The following CADM2 variants were observed in gnomAD, a reference collection of about 807,000 sequenced individuals.
The protein encoded by CADM2 is cell adhesion molecule 2, also known as immunoglobulin superfamily member 4D.
A neutral mutation model predicts 49.8 loss-of-function variants in CADM2; 12 were observed. That is an observed-to-expected ratio of 0.24 (90% CI 0.15 to 0.39). CADM2 has a LOEUF of 0.39. Among genes scored for constraint, CADM2 ranks in the 10% least tolerant of loss-of-function variants. CADM2 has a pLI of 1.00. For missense variants in CADM2, 378 were observed against 492.3 expected (o/e 0.77, Z 2.20); for synonymous variants, 214 against 175.4 (o/e 1.22, Z -1.74).
intron 1 of CADM2, among the ~76,000 whole-genome samples, chr3:85,101,592 T>G (rs1412179567): frequency 1.3e-5 from 2 of 152,230 alleles, no homozygotes; most frequent in African/African-American, 4.8e-5. Context: ...GATAATAATG[T>G]AGGTAATTCA....
chr3:85,624,930 G>A (rs1195124024), intron 1 of CADM2, among the ~76,000 whole-genome samples: 1 of 151,966 alleles, frequency 6.6e-6, no homozygotes, highest in East Asian at 1.9e-4. Context: ...TAGATTGAAG[G>A]CAAGATGATT....
rs1739463212 is a variant in CADM2 at position 86,067,463 on chromosome 3, G to C, written c.*680G>C. On this transcript the variant is annotated 3_prime_UTR_variant, in exon 10 of 10. Transcript: ENST00000383699. ...TGACATGGTATTTTCTATAATTATA[G>C]AGATCTTACTATTAGGATATTGTAG... 6.6e-6 allele frequency: 1 copy of C among 152,454 alleles called. No homozygotes were observed. The highest frequency in any genetic ancestry group is 1.5e-5 in the Non-Finnish European group (1 of 67,960). 9.4% of individuals were successfully genotyped at this position (152,454 alleles called of 1,614,324 possible).
chr3:85,582,662 C>G lies in CADM2; in HGVS notation c.62-143860C>G, dbSNP rs183103057. On this transcript the variant is annotated intron_variant, in intron 1 of 9. Coordinates refer to ENST00000383699, the MANE Select transcript of CADM2 (RefSeq NM_001167675.2). Reference sequence around the variant, plus strand: ...CATGAGGACCCCATCTTCATAATCTCAGCTACACAGAATTAACTCCCAAAG... The same window carrying G: ...CATGAGGACCCCATCTTCATAATCTGAGCTACACAGAATTAACTCCCAAAG... Among the ~76,000 whole-genome samples, 47 of 152,252 alleles carry G rather than the reference C, an allele frequency of 3.1e-4. 1 individual carries two copies. In the South Asian group the frequency reaches 9.5e-3, roughly 31 times the overall value.
intron 1 of CADM2, among the ~76,000 whole-genome samples, chr3:85,402,443 AT>A (rs1256868591): frequency 1.7e-4 from 26 of 151,948 alleles, no homozygotes; most frequent in Non-Finnish European, 2.8e-4. Flanking sequence ...TCCTGTATAA[AT>A]TTTTGTCTTA....
intron 1 of CADM2, among the ~76,000 whole-genome samples, chr3:85,692,380 C>A (rs6787622): frequency 0.71 from 107,826 of 151,996 alleles, 38,516 homozygotes; most frequent in African/African-American, 0.77. Context: ...AGAATATTTG[C>A]GTCGCAAGTT....
intron 1 of CADM2, among the ~76,000 whole-genome samples, chr3:85,487,581 T>A (rs1223618317): frequency 4.7e-3 from 338 of 72,622 alleles, no homozygotes; most frequent in South Asian, 6.0e-3. Context: ...GAGGAGGAAG[T>A]GGAGGAGGAG....
At chr3:85,827,389 C>T (rs2073967469) in intron 3 of CADM2, among the ~76,000 whole-genome samples, 1 of 151,764 alleles carries the variant, frequency 6.6e-6, no homozygotes, top group Admixed American at 6.6e-5. Context: ...TTTTCAGGTG[C>T]TTGTAGTAAT....
At chr3:85,878,915 A>T (rs964240046) in intron 3 of CADM2, among the ~76,000 whole-genome samples, 4 of 152,018 alleles carry the variant, frequency 2.6e-5, no homozygotes, top group African/African-American at 9.7e-5. Context: ...GAGGTGGGTA[A>T]CGTATTCTAT....
chr3:85,736,201 G>A (rs1330004782), intron 2 of CADM2, among the ~76,000 whole-genome samples: 1 of 152,042 alleles, frequency 6.6e-6, no homozygotes, highest in Non-Finnish European at 1.5e-5. Flanking sequence ...GTTCAACTGG[G>A]GCAAATGCTC....
intron 1 of CADM2, among the ~76,000 whole-genome samples, chr3:85,111,986 T>TA (rs2038476196): frequency 6.6e-6 from 1 of 151,892 alleles, no homozygotes. Flanking sequence ...AGCACCTATC[T>TA]AAAAAATAAG....
chr3:85,362,018 C>T (rs2032395673), intron 1 of CADM2, among the ~76,000 whole-genome samples: 2 of 152,130 alleles, frequency 1.3e-5, no homozygotes, highest in Non-Finnish European at 2.9e-5. Context: ...CAATGTATTA[C>T]CAACAGCTCT....
intron 1 of CADM2, among the ~76,000 whole-genome samples, chr3:85,543,423 T>TGTGTGGGGGG (rs143013783): frequency 2.0e-5 from 2 of 99,286 alleles, no homozygotes; most frequent in East Asian, 4.7e-4. Flanking sequence ...CAAGCTAATG[T>TGTGTGGGGGG]GTGTGTGTGT....
chr3:85,060,445 G>C (rs2036262756), intron 1 of CADM2, among the ~76,000 whole-genome samples: 1 of 152,050 alleles, frequency 6.6e-6, no homozygotes. Context: ...AACAAATACT[G>C]GTTTTGCATT....
chr3:85,765,481 C>T (rs941679659), intron 2 of CADM2, among the ~76,000 whole-genome samples: 1 of 151,966 alleles, frequency 6.6e-6, no homozygotes, highest in Non-Finnish European at 1.5e-5. Context: ...TCCTCAACTC[C>T]AATCTATCAT....
intron 1 of CADM2, among the ~76,000 whole-genome samples, chr3:85,228,893 A>G (rs1184484446): frequency 6.6e-6 from 1 of 152,042 alleles, no homozygotes; most frequent in Non-Finnish European, 1.5e-5. Context: ...TCAGGGAGGG[A>G]CATTTAAGTC....
chr3:85,439,261 C>T (rs2037078238), intron 1 of CADM2, among the ~76,000 whole-genome samples: 1 of 151,146 alleles, frequency 6.6e-6, no homozygotes, highest in South Asian at 2.1e-4. Flanking sequence ...TCATGCGATT[C>T]TCCTGCCTCA....
intron 1 of CADM2, among the ~76,000 whole-genome samples, chr3:85,333,622 A>G (rs923524720): frequency 1.3e-5 from 2 of 151,870 alleles, no homozygotes; most frequent in African/African-American, 4.8e-5. Context: ...TATTAAAGAA[A>G]CGTGTTTTTC....
intron 1 of CADM2, among the ~76,000 whole-genome samples, chr3:85,658,617 T>TACACAC (rs755033864): frequency 8.0e-6 from 1 of 125,092 alleles, no homozygotes; most frequent in African/African-American, 3.0e-5. Flanking sequence ...TATATATATA[T>TACACAC]ACATGTATGC....
At chr3:84,967,873 C>T (rs2031124662) in intron 1 of CADM2, among the ~76,000 whole-genome samples, 1 of 151,902 alleles carries the variant, frequency 6.6e-6, no homozygotes, top group Admixed American at 6.6e-5. Context: ...AAGCTCCATT[C>T]CGTAATCTCT....
Sources: gnomAD v4.1 joint callset for allele counts (sites outside exome capture counted in the v4.1 genomes callset) on GRCh38, gnomAD v4.1.1 for gene constraint, MANE v1.5 for transcripts, NCBI Gene and HGNC (gene_info 2026-07-23, HGNC 2026-07-21) for gene names.